LRP1B: variants seen among roughly 807,000 people sequenced by gnomAD.
LRP1B encodes LDL receptor related protein 1B.
Under a neutral mutation model 556.6 loss-of-function variants are expected in LRP1B, and 217 were observed. The ratio of observed to expected loss-of-function variants is 0.39; its 90% CI spans 0.35 to 0.44. The LOEUF (loss-of-function observed/expected upper bound fraction) is 0.44, where lower values mean the gene tolerates loss of function less well. LRP1B is among the 20% of genes least tolerant of loss of function. The pLI, the probability that LRP1B is intolerant of heterozygous loss-of-function variation, is 1.00. For missense variants in LRP1B, 5,053 were observed against 5,620.8 expected, an observed-to-expected ratio of 0.90 and a Z score of 3.23; for synonymous variants, 2,047 against 1,865.8, an observed-to-expected ratio of 1.10 and a Z score of -2.50.
At chr2:140,521,955 C>T (rs917099034) in intron 49 of LRP1B, among the ~76,000 whole-genome samples, 3 of 151,962 alleles carry the variant, frequency 2.0e-5, no homozygotes, top group Admixed American at 1.3e-4. Flanking sequence ...ACTAGTACTT[C>T]TAGACCTACA....
chr2:141,405,230 C>A (rs1231815530), intron 3 of LRP1B, among the ~76,000 whole-genome samples: 1 of 152,008 alleles, frequency 6.6e-6, no homozygotes, highest in African/African-American at 2.4e-5. Context: ...CTTGTTTGGA[C>A]CTACCAAAAT....
rs1020634390 is a variant in LRP1B, at chr2:140,950,481, CTGT to C, written c.2969-82_2969-80del. Reference sequence around the variant, plus strand: ...TTCTTATGAAATATCTAACTGGTTTCTGTTGTTGTTGTTGTTTTTTGAGACAGA... The same window carrying C: ...TTCTTATGAAATATCTAACTGGTTTCTGTTGTTGTTGTTTTTTGAGACAGA... On this transcript the variant is annotated intron_variant, in intron 19 of 90. Coordinates refer to ENST00000389484, the MANE Select transcript of LRP1B (RefSeq NM_018557.3). 3.7e-4 allele frequency: 444 copies of C among 1,202,064 alleles called. 2 individuals carry two copies. Among genetic ancestry groups the C allele is most frequent in the Middle Eastern group, 1.8e-3 (9 of 5,002 alleles). The allele number at this position is 1,202,064 out of a possible 1,614,324, so 74.5% of individuals were successfully genotyped here. A position where few individuals can be genotyped will look rare whatever the true frequency, so the allele number is the denominator to read the frequency against.
At chr2:140,919,405 C>G (rs1295441783) in intron 21 of LRP1B, among the ~76,000 whole-genome samples, 1 of 152,050 alleles carries the variant, frequency 6.6e-6, no homozygotes, top group African/African-American at 2.4e-5. Context: ...TGCCTGTGTC[C>G]TCCCATCTCT....
chr2:142,113,030 G>T (rs554657006), intron 1 of LRP1B, among the ~76,000 whole-genome samples: 1 of 152,128 alleles, frequency 6.6e-6, no homozygotes, highest in South Asian at 2.1e-4. Context: ...CTTCCCCCTG[G>T]TGGTTATAGA....
chr2:140,859,403 A>T lies in LRP1B; in HGVS notation c.4580-7620T>A, dbSNP rs577317342. On this transcript the variant is annotated intron_variant, in intron 27 of 90. Transcript: ENST00000389484. ...GTATCAATAATATTCTTAAAATATA[A>T]CATTTTTTATTGTGAAATAAGCTTA... Among the ~76,000 whole-genome samples, 22 of 152,208 alleles carry T rather than the reference A, an allele frequency of 1.4e-4. No individual in the cohort carries two copies. The South Asian group carries it at 4.1e-3, about 29-fold the overall frequency.
intron 1 of LRP1B, among the ~76,000 whole-genome samples, chr2:141,959,882 C>T (rs534062007): frequency 3.9e-4 from 60 of 152,012 alleles, no homozygotes; most frequent in African/African-American, 1.3e-3. Flanking sequence ...CTGGAATCTG[C>T]ATTTGAAGTA....
chr2:140,337,910 T>C (rs1170340735), intron 77 of LRP1B, among the ~76,000 whole-genome samples: 1 of 151,700 alleles, frequency 6.6e-6, no homozygotes, highest in Non-Finnish European at 1.5e-5. Flanking sequence ...CTGATGCCAA[T>C]TAATAACCCA....
At chr2:141,490,411 C>T (rs530135210) in intron 2 of LRP1B, among the ~76,000 whole-genome samples, 49 of 107,630 alleles carry the variant, frequency 4.6e-4, no homozygotes, top group African/African-American at 1.3e-3. Context: ...TTTCTGCTAA[C>T]TTTAGAATAT....
intron 43 of LRP1B, among the ~76,000 whole-genome samples, chr2:140,591,306 G>A (rs958854114): frequency 7.2e-5 from 11 of 152,152 alleles, no homozygotes; most frequent in Non-Finnish European, 1.5e-4. Flanking sequence ...GATATATACA[G>A]TTCTATCTAT....
chr2:140,736,321 G>T (rs193289412), intron 35 of LRP1B, among the ~76,000 whole-genome samples: 2 of 152,158 alleles, frequency 1.3e-5, no homozygotes, highest in East Asian at 3.9e-4. Context: ...TACTCAGCAG[G>T]TAATCTATTA....
intron 60 of LRP1B, among the ~76,000 whole-genome samples, chr2:140,470,382 G>T (rs146511533): frequency 6.6e-6 from 1 of 152,114 alleles, no homozygotes; most frequent in African/African-American, 2.4e-5. Context: ...GGTGGCTCAC[G>T]CCTGTAATCC....
intron 1 of LRP1B, among the ~76,000 whole-genome samples, chr2:141,905,359 T>G (rs4662559): frequency 0.86 from 130,845 of 151,762 alleles, 56,583 homozygotes; most frequent in East Asian, 1. Context: ...GGTGAATTTA[T>G]TAAAAAGTAC....
intron 3 of LRP1B, among the ~76,000 whole-genome samples, chr2:141,279,378 T>C (rs1685425434): frequency 6.6e-6 from 1 of 152,012 alleles, no homozygotes; most frequent in Admixed American, 6.6e-5. Flanking sequence ...ATCCTTTTGG[T>C]TCTATGGATT....
At chr2:141,657,655 T>C (rs921999628) in intron 2 of LRP1B, among the ~76,000 whole-genome samples, 1 of 152,132 alleles carries the variant, frequency 6.6e-6, no homozygotes, top group African/African-American at 2.4e-5. Flanking sequence ...CATATCTGAG[T>C]CCAACTTGGA....
At chr2:141,888,708 G>A (rs897034545) in intron 1 of LRP1B, among the ~76,000 whole-genome samples, 5 of 152,254 alleles carry the variant, frequency 3.3e-5, no homozygotes, top group Admixed American at 2.0e-4. Context: ...AAAGCCTAAG[G>A]AGAGGGGATT....
intron 18 of LRP1B, among the ~76,000 whole-genome samples, chr2:140,972,943 G>GAT (rs10558342): frequency 0.027 from 3,925 of 145,550 alleles, 76 homozygotes; most frequent in Middle Eastern, 0.049. Context: ...GCAGCTTTTT[G>GAT]ATATATATAT....
intron 3 of LRP1B, among the ~76,000 whole-genome samples, chr2:141,277,089 G>A (rs1274048801): frequency 6.6e-6 from 1 of 152,154 alleles, no homozygotes; most frequent in Non-Finnish European, 1.5e-5. Flanking sequence ...GAATAGTGCT[G>A]TAATAAACAT....
At chr2:141,184,654 G>A (rs553768097) in intron 7 of LRP1B, among the ~76,000 whole-genome samples, 2 of 144,434 alleles carry the variant, frequency 1.4e-5, no homozygotes, top group Non-Finnish European at 3.0e-5. Context: ...ATTTCTAATA[G>A]CTCCTATGTC....
chr2:141,940,450 T>G (rs1700763436), intron 1 of LRP1B, among the ~76,000 whole-genome samples: 1 of 152,202 alleles, frequency 6.6e-6, no homozygotes, highest in Admixed American at 6.5e-5. Flanking sequence ...TAACTATTCA[T>G]GTAATTCACA....
Sources: allele counts gnomAD v4.1 joint callset (sites outside exome capture counted in the v4.1 genomes callset), GRCh38; gene constraint gnomAD v4.1.1; transcripts MANE v1.5; gene names NCBI Gene and HGNC (gene_info 2026-07-23, HGNC 2026-07-21).